NCAPG2: variants seen among roughly 807,000 people sequenced by gnomAD.
NCAPG2 encodes non-SMC condensin II complex subunit G2, also known as condensin-2 complex subunit G2.
A neutral mutation model predicts 141.1 loss-of-function variants in NCAPG2; 53 were observed. The ratio of observed to expected loss-of-function variants is 0.38; its 90% CI spans 0.30 to 0.47. The LOEUF (loss-of-function observed/expected upper bound fraction) is 0.47, where lower values mean the gene tolerates loss of function less well. Among genes scored for constraint, NCAPG2 ranks in the 20% least tolerant of loss-of-function variants. NCAPG2 has a pLI of 0.99. For synonymous variants in NCAPG2, 499 were observed against 490.7 expected, an observed-to-expected ratio of 1.02 and a Z score of -0.22; for missense variants, 1,087 against 1,389.0, an observed-to-expected ratio of 0.78 and a Z score of 3.46.
At chr7:158,651,902 ATATTT>A (rs1170445763) in intron 23 of NCAPG2, among the ~76,000 whole-genome samples, 1 of 152,254 alleles carries the variant, frequency 6.6e-6, no homozygotes, top group Non-Finnish European at 1.5e-5. Context: ...AAAGAAAGGT[ATATTT>A]TATTTGGAAA....
At chr7:158,643,626 G>A (rs1159499744) in intron 27 of NCAPG2, among the ~76,000 whole-genome samples, 5 of 152,246 alleles carry the variant, frequency 3.3e-5, no homozygotes, top group Non-Finnish European at 5.9e-5. Context: ...AGTAGCTATG[G>A]AGAGTGGTTT....
intron 19 of NCAPG2, among the ~76,000 whole-genome samples, chr7:158,655,939 G>A (rs879911797): frequency 6.6e-6 from 1 of 152,216 alleles, no homozygotes; most frequent in Non-Finnish European, 1.5e-5. Context: ...CAGGGAGTGA[G>A]TGTCCACATG....
rs751459211 is a variant in NCAPG2, at chr7:158,683,295, C to T, written c.924+5G>A. On this transcript the variant is annotated splice_donor_5th_base_variant and intron_variant, in intron 9 of 27. Transcript: ENST00000356309. ...ATTTCAAAAACAATCTGTTCACAAT[C>T]TTACCTCCCGCACTTTGGAATGCAC... 6.4e-7 allele frequency: 1 copy of T among 1,566,776 alleles called. No individual in the cohort carries two copies. The highest frequency in any genetic ancestry group is 1.4e-5 in the African/African-American group (1 of 72,148).
intron 16 of NCAPG2, among the ~76,000 whole-genome samples, chr7:158,659,201 C>T (rs1024394904): frequency 1.3e-5 from 2 of 151,504 alleles, no homozygotes; most frequent in South Asian, 2.1e-4. Flanking sequence ...TGGTGGCTCA[C>T]GCCTGTAATC....
chr7:158,655,171 G>T lies in NCAPG2; in HGVS notation c.2593C>A (p.Gln865Lys). 6.2e-7 allele frequency: 1 copy of T among 1,614,028 alleles called. No individual in the cohort carries two copies. Among genetic ancestry groups the T allele is most frequent in the South Asian group, 1.1e-5 (1 of 91,070 alleles). Residue 865 changes from glutamine (Q) to lysine (K), a missense_variant, in exon 21 of 28, where the codon CAA becomes AAA. Coordinates refer to ENST00000356309, the MANE Select transcript of NCAPG2 (RefSeq NM_017760.7). Reference sequence around the variant, plus strand: ...TGAAGCTTCAGGTAGTCTTCTTCTTGATCTTGAATAAAAGATAAAATTTTG... The same window carrying T: ...TGAAGCTTCAGGTAGTCTTCTTCTTTATCTTGAATAAAAGATAAAATTTTG... ...ESKILSFIQDQEEDYLKLHRV... is the reference protein window; with the variant it reads ...ESKILSFIQDKEEDYLKLHRV...
intron 12 of NCAPG2, among the ~76,000 whole-genome samples, chr7:158,673,037 C>T (rs148893627): frequency 2.2e-4 from 33 of 152,288 alleles, no homozygotes; most frequent in African/African-American, 7.7e-4. Flanking sequence ...AGACGGTGGT[C>T]AGAAGGTCAG....
Position 158,650,696 on chromosome 7 carries a change from G to A in NCAPG2, c.3075+136C>T, listed in dbSNP as rs1027128466. On this transcript the variant is annotated intron_variant, in intron 24 of 27. Coordinates refer to ENST00000356309, the MANE Select transcript of NCAPG2 (RefSeq NM_017760.7). The stretch of plus-strand genomic sequence containing the variant: ...ATCAAACTCTGAGGTGTAGCTGCTA[G>A]GAAAGTGCACCACTCACTCAAGTTT... 10 of 1,111,516 alleles carry A rather than the reference G, an allele frequency of 9.0e-6. No homozygotes were observed. The East Asian group carries it at 2.4e-4, about 26-fold the overall frequency. 68.9% of individuals were successfully genotyped at this position (1,111,516 alleles called of 1,614,324 possible).
intron 11 of NCAPG2, among the ~76,000 whole-genome samples, chr7:158,678,412 A>G (rs982919586): frequency 2.0e-5 from 3 of 152,238 alleles, no homozygotes; most frequent in Admixed American, 1.3e-4. Flanking sequence ...AGAATGGTTC[A>G]TATTTCTTAA....
intron 27 of NCAPG2, among the ~76,000 whole-genome samples, chr7:158,643,370 C>A (rs1348493561): frequency 6.6e-6 from 1 of 151,702 alleles, no homozygotes; most frequent in Non-Finnish European, 1.5e-5. Context: ...CATGAGTCAC[C>A]GTGCCCAGCC....
At chr7:158,678,433 A>C (rs909745537) in intron 11 of NCAPG2, among the ~76,000 whole-genome samples, 27 of 152,362 alleles carry the variant, frequency 1.8e-4, no homozygotes, top group African/African-American at 6.0e-4. Context: ...TGGTTGGAAA[A>C]AATGAACAAA....
At chr7:158,698,947 G>A (rs921068100) in intron 2 of NCAPG2, among the ~76,000 whole-genome samples, 10 of 151,890 alleles carry the variant, frequency 6.6e-5, no homozygotes, top group Admixed American at 1.3e-4. Flanking sequence ...CACTACACTA[G>A]GCCAATTTTT....
At chr7:158,678,808 T>C (rs925275079) in intron 11 of NCAPG2, among the ~76,000 whole-genome samples, 1 of 152,006 alleles carries the variant, frequency 6.6e-6, no homozygotes, top group Non-Finnish European at 1.5e-5. Flanking sequence ...TTTAGGGATG[T>C]GTGTGTGTGC....
intron 24 of NCAPG2, among the ~76,000 whole-genome samples, chr7:158,646,883 G>C (rs1462928867): frequency 6.6e-6 from 1 of 152,042 alleles, no homozygotes; most frequent in East Asian, 1.9e-4. Context: ...TTTAAAATTA[G>C]CTGGGCATGG....
At chr7:158,670,453 C>A (rs1382980864) in intron 13 of NCAPG2, among the ~76,000 whole-genome samples, 1 of 152,048 alleles carries the variant, frequency 6.6e-6, no homozygotes, top group Non-Finnish European at 1.5e-5. Flanking sequence ...GTGGTCCTAG[C>A]CACTTGGGAG....
At chr7:158,678,978 C>T (rs2123658) in intron 11 of NCAPG2, among the ~76,000 whole-genome samples, 44,384 of 151,972 alleles carry the variant, frequency 0.29, 6,691 homozygotes, top group East Asian at 0.4. Context: ...GGACCACAGG[C>T]GTGTGCCACC....
In NCAPG2 at chr7:158,650,871, G is replaced by T; in HGVS notation, c.3036C>A (p.Ile1012=). The change falls in exon 24 of 28, where the codon ATC becomes ATA. Residue 1012 remains isoleucine (I), a synonymous_variant. Transcript: ENST00000356309. ...PVHRGVLSTL[I]AGPVVEISHQ... ...GACTTATCTCAACCACAGGCCCAGC[G>T]ATCAGAGTAGAAAGTACACCCCGGT... 2 of 1,613,646 alleles carry T rather than the reference G, an allele frequency of 1.2e-6. No individual in the cohort carries two copies.
chr7:158,664,331 G>GT (rs1425431793), intron 14 of NCAPG2, 35 bp from the exon 15 acceptor site: 2 of 1,565,728 alleles, frequency 1.3e-6, no homozygotes, highest in South Asian at 2.2e-5. Context: ...ATTAATGGAT[G>GT]TGTTTCTTCT....
intron 9 of NCAPG2, among the ~76,000 whole-genome samples, chr7:158,682,464 T>C (rs192924833): frequency 1.3e-5 from 2 of 152,310 alleles, no homozygotes; most frequent in African/African-American, 2.4e-5. Flanking sequence ...TCTTTATCCT[T>C]GTGTAACTGA....
intron 13 of NCAPG2, among the ~76,000 whole-genome samples, chr7:158,671,280 G>A (rs926322664): frequency 2.0e-5 from 3 of 152,130 alleles, no homozygotes; most frequent in African/African-American, 7.2e-5. Flanking sequence ...CATACATGAC[G>A]AAAATACAAT....
Sources: allele counts gnomAD v4.1 joint callset (sites outside exome capture counted in the v4.1 genomes callset), GRCh38; gene constraint gnomAD v4.1.1; transcripts MANE v1.5; gene names NCBI Gene and HGNC (gene_info 2026-07-23, HGNC 2026-07-21).